TLE4: variants seen among roughly 807,000 people sequenced by gnomAD.
TLE4 encodes the protein transducin-like enhancer protein 4.
In TLE4, 8 loss-of-function variants were observed where a neutral mutation model predicts 92.8. That is an observed-to-expected ratio of 0.09 (90% CI 0.05 to 0.16). The LOEUF is 0.16. TLE4 is among the 10% of genes least tolerant of loss of function. The pLI is 1.00. For synonymous variants in TLE4, 371 were observed against 374.1 expected (o/e 0.99, Z 0.10); for missense variants, 675 against 997.6 (o/e 0.68, Z 4.36).
chr9:79,643,362 G>A (rs1332094171), intron 6 of TLE4, among the ~76,000 whole-genome samples: 1 of 152,140 alleles, frequency 6.6e-6, no homozygotes, highest in African/African-American at 2.4e-5. Context: ...TCCTGTATAA[G>A]CATAATACCA....
intron 6 of TLE4, among the ~76,000 whole-genome samples, chr9:79,635,410 G>T (rs2055473115): frequency 6.6e-6 from 1 of 151,006 alleles, no homozygotes. Flanking sequence ...TTAAACTTAG[G>T]CTTTTTTTTT....
chr9:79,669,232 T>C (rs1331827473), intron 8 of TLE4, among the ~76,000 whole-genome samples: 1 of 152,180 alleles, frequency 6.6e-6, no homozygotes, highest in Admixed American at 6.5e-5. Context: ...GCTTCAGAGA[T>C]AGGTCCCTCT....
At chr9:79,653,759 C>G (rs1015763836) in intron 7 of TLE4, among the ~76,000 whole-genome samples, 2 of 152,126 alleles carry the variant, frequency 1.3e-5, no homozygotes. Flanking sequence ...TATCTTAATG[C>G]TATGGTACAG....
intron 5 of TLE4, among the ~76,000 whole-genome samples, chr9:79,621,956 A>G (rs1027410396): frequency 7.9e-5 from 12 of 152,266 alleles, no homozygotes; most frequent in East Asian, 1.9e-4. Flanking sequence ...TTACCCTTCA[A>G]TCTGGTTTAC....
At chr9:79,671,464 C>A in intron 8 of TLE4, 3 of 334,980 alleles carry the variant, frequency 9.0e-6, no homozygotes, top group South Asian at 4.6e-5. Flanking sequence ...AAATGGACTT[C>A]TCCCTCCAGT....
In TLE4 at chr9:79,623,197, A is replaced by G. The variant is rs1587419040; in HGVS notation, c.316-4177A>G. ...AGGGGAGTTCTTTTGTTTTTGTTTT[A>G]TTATTATTTTTTTTTAATTCTGAGG... On this transcript the variant is annotated intron_variant, in intron 5 of 19. Coordinates refer to ENST00000376552, the MANE Select transcript of TLE4 (RefSeq NM_007005.6). Among the ~76,000 whole-genome samples, 5 of 150,808 alleles carry G rather than the reference A, an allele frequency of 3.3e-5. No homozygotes were observed. In the South Asian group the frequency reaches 1.0e-3, roughly 31 times the overall value.
intron 11 of TLE4, among the ~76,000 whole-genome samples, chr9:79,707,894 C>T (rs1384364942): frequency 6.6e-6 from 1 of 152,320 alleles, no homozygotes; most frequent in South Asian, 2.1e-4. Flanking sequence ...GAGCTGCTCT[C>T]CTCTAAATTC....
chr9:79,602,684 G>C (rs1336572524), intron 4 of TLE4, among the ~76,000 whole-genome samples: 1 of 152,176 alleles, frequency 6.6e-6, no homozygotes, highest in African/African-American at 2.4e-5. Flanking sequence ...CTCTGATGGA[G>C]ATGTACAAGG....
At chr9:79,634,774 A>G (rs903824735) in intron 6 of TLE4, among the ~76,000 whole-genome samples, 1 of 152,160 alleles carries the variant, frequency 6.6e-6, no homozygotes, top group Admixed American at 6.5e-5. Flanking sequence ...TTCTTCTTTT[A>G]CTTAGCATAA....
At chr9:79,675,960 T>G (rs1407383044) in intron 8 of TLE4, among the ~76,000 whole-genome samples, 1 of 152,112 alleles carries the variant, frequency 6.6e-6, no homozygotes, top group Non-Finnish European at 1.5e-5. Context: ...GAGCGTCAGG[T>G]TGGTGCTCCA....
At chr9:79,614,005 A>G (rs910053296) in intron 5 of TLE4, among the ~76,000 whole-genome samples, 24 of 152,004 alleles carry the variant, frequency 1.6e-4, no homozygotes, top group South Asian at 1.0e-3. Flanking sequence ...TCATGTCCCC[A>G]TTTGCCTGTT....
At position 79,572,634 on chromosome 9, in the gene TLE4, G is replaced by A; in HGVS notation, c.-157G>A. ...CCAGCCGCCGCCGCGCGTTCCTGCC[G>A]CCCGTGTCACGCGAGACCCGGCGGG... On this transcript the variant is annotated 5_prime_UTR_variant, in exon 1 of 20. Transcript: ENST00000376552. 1 of 398,304 alleles carries A rather than the reference G, an allele frequency of 2.5e-6. No individual in the cohort carries two copies. Among genetic ancestry groups the A allele is most frequent in the Non-Finnish European group, 4.2e-6 (1 of 236,862 alleles). 24.7% of individuals were successfully genotyped at this position (398,304 alleles called of 1,614,324 possible).
intron 5 of TLE4, among the ~76,000 whole-genome samples, chr9:79,624,948 G>A: frequency 6.6e-6 from 1 of 151,458 alleles, no homozygotes; most frequent in Middle Eastern, 3.2e-3. Context: ...TGTGTTGGAT[G>A]TGACTTAAGT....
chr9:79,723,762 G>A (rs774093561), intron 19 of TLE4, among the ~76,000 whole-genome samples: 3 of 152,046 alleles, frequency 2.0e-5, no homozygotes, highest in Admixed American at 6.6e-5. Flanking sequence ...TAATTCCATC[G>A]AATCCAAAAT....
chr9:79,584,751 A>G (rs935828991), intron 4 of TLE4, among the ~76,000 whole-genome samples: 2 of 152,232 alleles, frequency 1.3e-5, no homozygotes, highest in Admixed American at 1.3e-4. Flanking sequence ...GTTGTCTACT[A>G]GTTTGTGGAA....
chr9:79,719,928 A>C, intron 15 of TLE4, 118 bp from the exon 16 acceptor site: 1 of 1,300,614 alleles, frequency 7.7e-7, no homozygotes, highest in Admixed American at 2.6e-5. Flanking sequence ...CATTGTCATA[A>C]GTATAAACGG....
At chr9:79,656,216 G>A (rs1355797005) in intron 8 of TLE4, among the ~76,000 whole-genome samples, 1 of 152,180 alleles carries the variant, frequency 6.6e-6, no homozygotes, top group African/African-American at 2.4e-5. Context: ...GTAGTTGCTT[G>A]TTCCATCGAT....
chr9:79,704,557 T>C, intron 8 of TLE4: 1 of 536,304 alleles, frequency 1.9e-6, no homozygotes, highest in South Asian at 2.8e-5. Context: ...TTCTCGTTTT[T>C]TCTTTCTTTC....
chr9:79,586,525 G>T (rs1176239308), intron 4 of TLE4, among the ~76,000 whole-genome samples: 2 of 152,222 alleles, frequency 1.3e-5, no homozygotes, highest in African/African-American at 2.4e-5. Context: ...TAAGGTAGGT[G>T]TCAGTTTCTC....
Sources: allele counts gnomAD v4.1 joint callset (sites outside exome capture counted in the v4.1 genomes callset), GRCh38; gene constraint gnomAD v4.1.1; transcripts MANE v1.5; gene names NCBI Gene and HGNC (gene_info 2026-07-23, HGNC 2026-07-21).